CTNND2: variants seen among roughly 807,000 people sequenced by gnomAD.
CTNND2 encodes the protein catenin delta-2.
CTNND2 carries 22 observed loss-of-function variants against 144.4 expected under a neutral mutation model. The observed-to-expected ratio is 0.15, with a 90% CI of 0.11 to 0.22. The LOEUF is 0.22. CTNND2 is among the 10% of genes least tolerant of loss of function. CTNND2 has a pLI of 1.00. For missense variants in CTNND2, 1,353 were observed against 1,618.8 expected (o/e 0.84, Z 2.82); for synonymous variants, 751 against 695.6 (o/e 1.08, Z -1.25).
chr5:11,183,815 T>A (rs1053579466), intron 11 of CTNND2, among the ~76,000 whole-genome samples: 1 of 152,160 alleles, frequency 6.6e-6, no homozygotes, highest in African/African-American at 2.4e-5. Context: ...TGCCTCGGCC[T>A]CCCAAAGTGC....
chr5:11,210,821 T>C (rs1738553705), intron 10 of CTNND2, among the ~76,000 whole-genome samples: 1 of 152,224 alleles, frequency 6.6e-6, no homozygotes, highest in Admixed American at 6.5e-5. Flanking sequence ...AAATGTTTCC[T>C]GTGGGCCTTG....
At chr5:11,698,374 CG>C (rs1371901063) in intron 2 of CTNND2, among the ~76,000 whole-genome samples, 2 of 151,916 alleles carry the variant, frequency 1.3e-5, no homozygotes, top group Non-Finnish European at 1.5e-5. Context: ...CTGAAACCTC[CG>C]CCTCCTGGGT....
At chr5:11,131,714 G>A (rs1004187758) in intron 12 of CTNND2, among the ~76,000 whole-genome samples, 11 of 152,046 alleles carry the variant, frequency 7.2e-5, no homozygotes, top group African/African-American at 2.2e-4. Context: ...GCATGAACCC[G>A]GGAGGCGGAG....
chr5:11,816,156 C>T lies in CTNND2; in HGVS notation c.38-83884G>A, dbSNP rs370723678. On this transcript the variant is annotated intron_variant, in intron 1 of 21. Coordinates refer to ENST00000304623, the MANE Select transcript of CTNND2 (RefSeq NM_001332.4). ...TCCTGTCTGGAGAAACCTACAAACA[C>T]ATGCAGTGTGGAGCAGCCACCACGC... Among the ~76,000 whole-genome samples the T allele has an allele frequency of 7.0e-4, 106 of 152,326 alleles. 2 individuals are homozygous for T. In the South Asian group the frequency reaches 0.021, roughly 30 times the overall value.
intron 3 of CTNND2, among the ~76,000 whole-genome samples, chr5:11,437,989 T>C (rs555782344): frequency 6.6e-6 from 1 of 152,290 alleles, no homozygotes; most frequent in South Asian, 2.1e-4. Context: ...TTATGTGTTA[T>C]CTTAACTCAG....
intron 9 of CTNND2, among the ~76,000 whole-genome samples, chr5:11,275,769 A>G (rs1413805308): frequency 1.3e-5 from 2 of 152,216 alleles, no homozygotes; most frequent in Non-Finnish European, 2.9e-5. Flanking sequence ...CATGACTTCA[A>G]ATTAATCAGG....
chr5:11,237,215 T>C (rs1348469699), intron 9 of CTNND2, among the ~76,000 whole-genome samples: 2 of 152,026 alleles, frequency 1.3e-5, no homozygotes, highest in Admixed American at 1.3e-4. Flanking sequence ...GAGATGCAGT[T>C]TCACTGTGTT....
chr5:11,069,157 A>G (rs1860242), intron 16 of CTNND2, among the ~76,000 whole-genome samples: 113,712 of 152,166 alleles, frequency 0.75, 43,159 homozygotes, highest in East Asian at 0.92. Context: ...TATTGTTCTT[A>G]TTCCTAAAGA....
chr5:11,792,115 T>C (rs1791164144), intron 1 of CTNND2, among the ~76,000 whole-genome samples: 1 of 152,224 alleles, frequency 6.6e-6, no homozygotes, highest in Admixed American at 6.5e-5. Context: ...CTCTAGACCA[T>C]GCGGTCTCAA....
intron 2 of CTNND2, among the ~76,000 whole-genome samples, chr5:11,597,255 G>A (rs913153227): frequency 3.3e-5 from 5 of 152,138 alleles, no homozygotes; most frequent in Admixed American, 6.6e-5. Context: ...GGGCCCTTCC[G>A]TGTATGTTAC....
chr5:11,549,654 G>T (rs1472023310), intron 3 of CTNND2, among the ~76,000 whole-genome samples: 3 of 152,052 alleles, frequency 2.0e-5, no homozygotes, highest in Non-Finnish European at 4.4e-5. Flanking sequence ...CTAGTACCAG[G>T]TTACCAGGGA....
intron 12 of CTNND2, among the ~76,000 whole-genome samples, chr5:11,145,268 A>C (rs1757135526): frequency 6.6e-6 from 1 of 152,204 alleles, no homozygotes; most frequent in Admixed American, 6.5e-5. Context: ...GCAAAAAAAT[A>C]CAGGATGAAA....
chr5:11,558,185 G>A (rs1207469867), intron 3 of CTNND2, among the ~76,000 whole-genome samples: 1 of 152,182 alleles, frequency 6.6e-6, no homozygotes, highest in African/African-American at 2.4e-5. Flanking sequence ...CAATCAATAA[G>A]CATTTACTGG....
At chr5:10,985,634 G>T (rs1005774808) in intron 20 of CTNND2, among the ~76,000 whole-genome samples, 2 of 152,208 alleles carry the variant, frequency 1.3e-5, no homozygotes, top group Admixed American at 6.5e-5. Context: ...AAACAAGGAA[G>T]ATGGCAGTTT....
chr5:11,772,132 G>C (rs1213820112), intron 1 of CTNND2, among the ~76,000 whole-genome samples: 2 of 152,100 alleles, frequency 1.3e-5, no homozygotes, highest in Non-Finnish European at 2.9e-5. Context: ...TCCTTAAATA[G>C]CAGAAATTGA....
intron 12 of CTNND2, among the ~76,000 whole-genome samples, chr5:11,148,188 G>A (rs1021740867): frequency 6.6e-6 from 1 of 152,198 alleles, no homozygotes; most frequent in African/African-American, 2.4e-5. Context: ...GGGAGTAACT[G>A]CTTAATGAAT....
chr5:11,523,026 C>T (rs985026587), intron 3 of CTNND2, among the ~76,000 whole-genome samples: 2 of 152,150 alleles, frequency 1.3e-5, no homozygotes, highest in African/African-American at 4.8e-5. Flanking sequence ...TGGTTGGATG[C>T]GATGGGCTGG....
chr5:11,185,857 C>G (rs1359377825), intron 11 of CTNND2, among the ~76,000 whole-genome samples: 1 of 152,194 alleles, frequency 6.6e-6, no homozygotes, highest in Admixed American at 6.5e-5. Context: ...TTCGTTAACA[C>G]TAGTTAATGT....
chr5:11,291,724 C>T (rs1275173860), intron 9 of CTNND2, among the ~76,000 whole-genome samples: 1 of 152,118 alleles, frequency 6.6e-6, no homozygotes, highest in Non-Finnish European at 1.5e-5. Flanking sequence ...GACTTAGCTC[C>T]CCAAATCTCC....
Sources: gnomAD v4.1 joint callset for allele counts (sites outside exome capture counted in the v4.1 genomes callset) on GRCh38, gnomAD v4.1.1 for gene constraint, MANE v1.5 for transcripts, NCBI Gene and HGNC (gene_info 2026-07-23, HGNC 2026-07-21) for gene names.